MAGI2: variants seen among roughly 807,000 people sequenced by gnomAD.
The protein encoded by MAGI2 is membrane-associated guanylate kinase, WW and PDZ domain-containing protein 2.
A neutral mutation model predicts 133.3 loss-of-function variants in MAGI2; 35 were observed. The observed-to-expected ratio is 0.26, with a 90% CI of 0.20 to 0.35. The LOEUF (loss-of-function observed/expected upper bound fraction) is 0.35, where lower values mean the gene tolerates loss of function less well. Ranked by LOEUF, MAGI2 falls within the 10% of genes least tolerant of loss-of-function variation. The pLI is 1.00. For synonymous variants in MAGI2, 729 were observed against 710.6 expected (o/e 1.03, Z -0.41); for missense variants, 1,636 against 1,863.4 (o/e 0.88, Z 2.25).
intron 1 of MAGI2, among the ~76,000 whole-genome samples, chr7:79,233,909 G>T (rs76636861): frequency 1.7e-4 from 25 of 151,416 alleles, no homozygotes; most frequent in African/African-American, 6.1e-4. Flanking sequence ...TTACATTTTG[G>T]CTTGATTTTG....
chr7:78,940,035 A>T (rs187823342), intron 2 of MAGI2, among the ~76,000 whole-genome samples: 2 of 152,294 alleles, frequency 1.3e-5, no homozygotes, highest in East Asian at 3.9e-4. Flanking sequence ...GAAAAAACAA[A>T]ACCAATATAA....
chr7:79,327,502 C>T (rs1839781636), intron 1 of MAGI2, among the ~76,000 whole-genome samples: 1 of 152,052 alleles, frequency 6.6e-6, no homozygotes, highest in Admixed American at 6.6e-5. Flanking sequence ...CAAGGTCTAA[C>T]CTGTTTAGGA....
chr7:78,327,808 A>C (rs917267184), intron 9 of MAGI2, among the ~76,000 whole-genome samples: 8 of 152,204 alleles, frequency 5.3e-5, no homozygotes, highest in Non-Finnish European at 1.0e-4. Context: ...AAACAGAACA[A>C]GATTAGTCGA....
At chr7:78,536,823 C>T (rs1797990235) in intron 3 of MAGI2, among the ~76,000 whole-genome samples, 1 of 145,320 alleles carries the variant, frequency 6.9e-6, no homozygotes, top group African/African-American at 2.6e-5. Context: ...TGCGGTGGCG[C>T]GATCTTGGCT....
chr7:78,149,708 C>T (rs1823678423), intron 16 of MAGI2, among the ~76,000 whole-genome samples: 1 of 152,194 alleles, frequency 6.6e-6, no homozygotes, highest in South Asian at 2.1e-4. Context: ...TTCTTGCTTT[C>T]TGGAAGACCC....
chr7:78,063,026 C>T (rs1217548350), intron 21 of MAGI2, among the ~76,000 whole-genome samples: 1 of 152,170 alleles, frequency 6.6e-6, no homozygotes, highest in African/African-American at 2.4e-5. Flanking sequence ...CTATTTCCAC[C>T]ACCACTTTCT....
intron 1 of MAGI2, among the ~76,000 whole-genome samples, chr7:79,404,938 G>A (rs1845706951): frequency 6.6e-6 from 1 of 152,138 alleles, no homozygotes; most frequent in African/African-American, 2.4e-5. Context: ...TCTTTAGTAT[G>A]GTTGGAGACT....
intron 2 of MAGI2, among the ~76,000 whole-genome samples, chr7:78,885,038 A>G (rs1044218815): frequency 2.0e-4 from 31 of 152,176 alleles, no homozygotes; most frequent in African/African-American, 7.5e-4. Flanking sequence ...CCATCATCCT[A>G]AATGACTTAA....
intron 9 of MAGI2, among the ~76,000 whole-genome samples, chr7:78,291,709 C>T (rs1168079384): frequency 6.6e-6 from 1 of 152,174 alleles, no homozygotes; most frequent in Non-Finnish European, 1.5e-5. Flanking sequence ...CCGAATCCAG[C>T]AGCACATCAA....
intron 2 of MAGI2, among the ~76,000 whole-genome samples, chr7:78,684,885 A>G (rs1816108365): frequency 6.6e-6 from 1 of 152,206 alleles, no homozygotes; most frequent in South Asian, 2.1e-4. Context: ...AATTATGCAT[A>G]TGAAAGCAAG....
chr7:79,121,313 T>C (rs1441807182), intron 1 of MAGI2, among the ~76,000 whole-genome samples: 1 of 152,202 alleles, frequency 6.6e-6, no homozygotes, highest in Non-Finnish European at 1.5e-5. Context: ...CCCATCCTTC[T>C]AATAGACTTC....
intron 6 of MAGI2, among the ~76,000 whole-genome samples, chr7:78,441,249 T>C (rs1396775665): frequency 6.6e-6 from 1 of 152,180 alleles, no homozygotes. Context: ...ATAACCTTGA[T>C]ATTAGTTGCA....
intron 20 of MAGI2, among the ~76,000 whole-genome samples, chr7:78,079,606 T>A (rs2151188024): frequency 6.6e-6 from 1 of 152,330 alleles, no homozygotes; most frequent in East Asian, 1.9e-4. Flanking sequence ...TGATATTGCC[T>A]TCTTTGTAAA....
chr7:78,239,893 C>A (rs1415706082), intron 10 of MAGI2, among the ~76,000 whole-genome samples: 2 of 152,208 alleles, frequency 1.3e-5, no homozygotes, highest in East Asian at 3.8e-4. Flanking sequence ...TCAGTAATTC[C>A]ACCACTAGGT....
At chr7:78,854,854 T>C (rs530975405) in intron 2 of MAGI2, among the ~76,000 whole-genome samples, 1 of 88,550 alleles carries the variant, frequency 1.1e-5, no homozygotes, top group East Asian at 4.2e-4. Context: ...AGTGATGCAT[T>C]ACTCTTTTAT....
intron 1 of MAGI2, among the ~76,000 whole-genome samples, chr7:79,266,236 A>ACCCCAC (rs1008713138): frequency 2.5e-5 from 1 of 40,218 alleles, no homozygotes; most frequent in Non-Finnish European, 5.2e-5. Flanking sequence ...CTCCCTGCCC[A>ACCCCAC]CCCCACCCCC....
intron 1 of MAGI2, among the ~76,000 whole-genome samples, chr7:79,089,156 C>T (rs1816815078): frequency 1.3e-5 from 2 of 152,198 alleles, no homozygotes; most frequent in East Asian, 1.9e-4. Context: ...TATGAACAGA[C>T]ACTTCTCAGA....
rs555018532 is a variant in MAGI2 at position 78,832,811 on chromosome 7, C to G, written c.418+174279G>C. ...AGCCAACAGCATGTGATGTGCTTCCCCCTGCAGAGAGCCTATGAATGGACG... is the reference window on the plus strand; with the variant it reads ...AGCCAACAGCATGTGATGTGCTTCCGCCTGCAGAGAGCCTATGAATGGACG... On this transcript the variant is annotated intron_variant, in intron 2 of 21. Transcript: ENST00000354212. 9.9e-5 allele frequency among the ~76,000 whole-genome samples: 15 copies of G among 152,246 alleles called. No individual in the cohort carries two copies. The East Asian group carries it at 2.9e-3, about 29-fold the overall frequency.
At chr7:78,508,548 G>A (rs528272300) in intron 4 of MAGI2, among the ~76,000 whole-genome samples, 4 of 152,108 alleles carry the variant, frequency 2.6e-5, no homozygotes, top group East Asian at 3.8e-4. Context: ...AGCAAACTTC[G>A]TAATAATGGG....
Sources: gnomAD v4.1 joint callset for allele counts (sites outside exome capture counted in the v4.1 genomes callset) on GRCh38, gnomAD v4.1.1 for gene constraint, MANE v1.5 for transcripts, NCBI Gene and HGNC (gene_info 2026-07-23, HGNC 2026-07-21) for gene names.